The following CD55 variants were observed in gnomAD, a reference collection of about 807,000 sequenced individuals.
CD55 encodes CD55 molecule (Cromer blood group).
Under a neutral mutation model 45.8 loss-of-function variants are expected in CD55, and 41 were observed. The ratio of observed to expected loss-of-function variants is 0.90; its 90% CI spans 0.70 to 1.16. The LOEUF (loss-of-function observed/expected upper bound fraction) is 1.16. CD55 is among the 50% of genes most tolerant of loss of function. The pLI is 0.00. For missense variants in CD55, 416 were observed against 469.8 expected (o/e 0.89, Z 1.06); for synonymous variants, 181 against 181.1 (o/e 1.00, Z 0.01).
rs4088889 is a variant in CD55, at chr1:207,347,408, T to C, written c.1081+7991T>C. The stretch of plus-strand genomic sequence containing the variant: ...CCAAGTAGCTGGGACTATAGGCGCC[T>C]GCCACCACACCCGGCTAATTTTTTG... On this transcript the variant is annotated intron_variant, in intron 9 of 9. Coordinates refer to ENST00000367064, the MANE Select transcript of CD55 (RefSeq NM_000574.5). 1,227 of 351,316 alleles carry C rather than the reference T, an allele frequency of 3.5e-3. 16 individuals are homozygous for C. Among genetic ancestry groups the C allele is most frequent in the African/African-American group, 0.025 (1,146 of 46,630 alleles). 21.8% of individuals were successfully genotyped at this position (351,316 alleles called of 1,614,324 possible). A position where few individuals can be genotyped will look rare whatever the true frequency, so the allele number is the denominator to read the frequency against.
At chr1:207,322,015 C>G in intron 1 of CD55, 150 bp downstream of exon 1, 1 of 624,846 alleles carries the variant, frequency 1.6e-6, no homozygotes, top group African/African-American at 1.8e-5. Context: ...TTAAGGCTCT[C>G]GCCGCTCACC....
chr1:207,353,623 T>C (rs1655970826), intron 9 of CD55, among the ~76,000 whole-genome samples: 1 of 152,184 alleles, frequency 6.6e-6, no homozygotes, highest in African/African-American at 2.4e-5. Flanking sequence ...CTGCCTGTTA[T>C]TCAGGTTTAA....
At chr1:207,358,098 A>C (rs1656147412) in intron 9 of CD55, among the ~76,000 whole-genome samples, 1 of 152,092 alleles carries the variant, frequency 6.6e-6, no homozygotes, top group Non-Finnish European at 1.5e-5. Flanking sequence ...CAGTGAACTT[A>C]ATTGCTTATT....
chr1:207,326,988 C>G (rs1654716725), intron 5 of CD55, 151 bp downstream of exon 5: 6 of 501,194 alleles, frequency 1.2e-5, no homozygotes, highest in Admixed American at 1.1e-4. Context: ...AAGACCTTTT[C>G]TAGTGATGTT....
intron 9 of CD55, chr1:207,340,564 A>ACT: frequency 2.9e-6 from 2 of 697,122 alleles, no homozygotes; most frequent in South Asian, 3.0e-5. Flanking sequence ...TAGAGACAGG[A>ACT]TTTTCCTATG....
intron 9 of CD55, chr1:207,354,086 T>C: frequency 6.5e-7 from 1 of 1,531,088 alleles, no homozygotes; most frequent in African/African-American, 1.4e-5. Flanking sequence ...TCTAGGTCAC[T>C]CCAGTTCTTG....
At chr1:207,336,429 A>C (rs574607866) in intron 6 of CD55, among the ~76,000 whole-genome samples, 3 of 152,292 alleles carry the variant, frequency 2.0e-5, no homozygotes, top group Non-Finnish European at 4.4e-5. Context: ...TGATTTGTTT[A>C]TTTCACAAGA....
chr1:207,323,256 T>G lies in CD55; in HGVS notation c.286+689T>G, dbSNP rs111540408. On this transcript the variant is annotated intron_variant, in intron 2 of 9. Coordinates refer to ENST00000367064, the MANE Select transcript of CD55 (RefSeq NM_000574.5). ...ATAAGGAGATATATATAGGGAGAGA[T>G]ATATATATATAGGGAGATATATATA... Among the ~76,000 whole-genome samples, 776 of 150,072 alleles carry G rather than the reference T, an allele frequency of 5.2e-3. 4 individuals are homozygous for G. Among genetic ancestry groups the G allele is most frequent in the African/African-American group, 0.016 (647 of 40,940 alleles).
At chr1:207,336,978 G>C in intron 7 of CD55, 160 bp downstream of exon 7, 1 of 807,924 alleles carries the variant, frequency 1.2e-6, no homozygotes, top group Non-Finnish European at 2.0e-6. Context: ...CCAGCTACAG[G>C]AGTCTCATCA....
rs1656261072 is a variant in CD55, at chr1:207,360,591, A to T, written c.*981A>T. 1 of 152,170 alleles carries T rather than the reference A, an allele frequency of 6.6e-6. No individual in the cohort carries two copies. The highest frequency in any genetic ancestry group is 1.5e-5 in the Non-Finnish European group (1 of 68,018). 9.4% of individuals were successfully genotyped at this position (152,170 alleles called of 1,614,324 possible). A position where few individuals can be genotyped will look rare whatever the true frequency, so the allele number is the denominator to read the frequency against. On this transcript the variant is annotated 3_prime_UTR_variant, in exon 10 of 10. Transcript: ENST00000367064. ...ACCTGCTTCCTACAAGCAGTTCAGA[A>T]TGCCATGCCTTGGTTGTCCTAGTGT...
chr1:207,322,415 C>T lies in CD55; in HGVS notation c.134C>T (p.Ala45Val). 6.2e-7 allele frequency: 1 copy of T among 1,614,088 alleles called. No homozygotes were observed. The change falls in exon 2 of 10, where the codon GCC becomes GTC. Residue 45 changes from alanine (A) to valine (V), a missense_variant. Ala to Val is a moderately conservative substitution (Grantham distance 64). Around this residue, in one of 3 missense-constraint regions of CD55, gnomAD observed 123 missense variants for 105.1 expected, o/e 1.17. Transcript: ENST00000367064. ...DCGLPPDVPN[A>V]QPALEGRTSF... ...GGCCTTCCCCCAGATGTACCTAATG[C>T]CCAGCCAGCTTTGGAAGGCCGTACA... is the stretch of plus-strand genomic sequence containing the variant.
At chr1:207,354,938 C>G (rs1656020478) in intron 9 of CD55, among the ~76,000 whole-genome samples, 1 of 152,002 alleles carries the variant, frequency 6.6e-6, no homozygotes, top group African/African-American at 2.4e-5. Context: ...AATTTTCTGT[C>G]TTGATTTAGT....
Position 207,330,804 on chromosome 1 carries a change from G to A in CD55, c.665-304G>A, listed in dbSNP as rs780136492. Among the ~76,000 whole-genome samples the A allele has an allele frequency of 5.3e-5, 8 of 152,010 alleles. 1 individual carries two copies. Among genetic ancestry groups the A allele is most frequent in the Non-Finnish European group, 1.2e-4 (8 of 67,992 alleles). Reference sequence around the variant, plus strand: ...AATCCTGCAGCATTCACTTTTCCTAGCACCGTTTTGATATGCACACATCTT... The same window carrying A: ...AATCCTGCAGCATTCACTTTTCCTAACACCGTTTTGATATGCACACATCTT... On this transcript the variant is annotated intron_variant, in intron 5 of 9. Coordinates refer to ENST00000367064, the MANE Select transcript of CD55 (RefSeq NM_000574.5).
At chr1:207,332,086 G>A (rs1307983502) in intron 6 of CD55, among the ~76,000 whole-genome samples, 3 of 151,954 alleles carry the variant, frequency 2.0e-5, no homozygotes, top group Admixed American at 2.0e-4. Flanking sequence ...TAATATTAAA[G>A]CCAGGGAGAT....
At chr1:207,343,750 T>C (rs983730158) in intron 9 of CD55, among the ~76,000 whole-genome samples, 9 of 152,200 alleles carry the variant, frequency 5.9e-5, no homozygotes, top group Admixed American at 4.6e-4. Context: ...GAGCTAATGC[T>C]GACAGTGGGA....
At chr1:207,330,081 C>G (rs904016077) in intron 5 of CD55, among the ~76,000 whole-genome samples, 1 of 152,048 alleles carries the variant, frequency 6.6e-6, no homozygotes, top group Non-Finnish European at 1.5e-5. Flanking sequence ...TCTTGTTCAG[C>G]TTTGCGCTTC....
intron 9 of CD55, among the ~76,000 whole-genome samples, chr1:207,351,880 G>A (rs1655880686): frequency 6.6e-6 from 1 of 152,014 alleles, no homozygotes; most frequent in Non-Finnish European, 1.5e-5. Context: ...AAAATAAAGA[G>A]GAAGTCCTTC....
rs1196676616 is a variant in CD55, at chr1:207,326,848, A to C, written c.664+11A>C. ...TGCCAGAGTGCAGAGGTAAGAGTTAAAAAATCTAAGCACTCAGATTGTGAG... is the reference window on the plus strand; with the variant it reads ...TGCCAGAGTGCAGAGGTAAGAGTTACAAAATCTAAGCACTCAGATTGTGAG... On this transcript the variant is annotated intron_variant, in intron 5 of 9. Coordinates refer to ENST00000367064, the MANE Select transcript of CD55 (RefSeq NM_000574.5). 6.3e-7 allele frequency: 1 copy of C among 1,596,422 alleles called. No individual in the cohort carries two copies. The highest frequency in any genetic ancestry group is 8.6e-7 in the Non-Finnish European group (1 of 1,164,860).
intron 1 of CD55, chr1:207,322,147 G>T (rs1654440797): frequency 1.5e-6 from 1 of 661,730 alleles, no homozygotes. Context: ...TCGAAAGGGA[G>T]GGCTCAAAGA....
Sources: allele counts gnomAD v4.1 joint callset (sites outside exome capture counted in the v4.1 genomes callset), GRCh38; gene constraint gnomAD v4.1.1; regional missense constraint gnomAD v4.1.1; transcripts MANE v1.5; gene names NCBI Gene and HGNC (gene_info 2026-07-23, HGNC 2026-07-21).